The following FBXL7 variants were observed in gnomAD, a reference collection of about 807,000 sequenced individuals.
The protein encoded by FBXL7 is F-box/LRR-repeat protein 7.
In FBXL7, 12 loss-of-function variants were observed where a neutral mutation model predicts 38.3. The ratio of observed to expected loss-of-function variants is 0.31; its 90% CI spans 0.20 to 0.51. FBXL7 has a LOEUF of 0.51. FBXL7 is among the 20% of genes least tolerant of loss of function. The probability of loss-of-function intolerance (pLI) is 0.98; values close to 1 mark genes in which losing one functional copy is unlikely to be tolerated. For synonymous variants in FBXL7, 297 were observed against 300.9 expected (o/e 0.99, Z 0.13); for missense variants, 567 against 676.4 (o/e 0.84, Z 1.79).
chr5:15,831,594 T>C (rs1215663591), intron 2 of FBXL7, among the ~76,000 whole-genome samples: 1 of 152,160 alleles, frequency 6.6e-6, no homozygotes, highest in Admixed American at 6.5e-5. Flanking sequence ...AAAGCTTTAA[T>C]TGGCTAATGT....
At chr5:15,611,621 G>T (rs1740238526) in intron 1 of FBXL7, among the ~76,000 whole-genome samples, 1 of 152,052 alleles carries the variant, frequency 6.6e-6, no homozygotes, top group Non-Finnish European at 1.5e-5. Flanking sequence ...GTTTCCCTTT[G>T]GGTCAGTGAT....
intron 2 of FBXL7, among the ~76,000 whole-genome samples, chr5:15,881,144 A>G (rs1740435370): frequency 6.6e-6 from 1 of 152,164 alleles, no homozygotes; most frequent in Admixed American, 6.5e-5. Context: ...TCACCCAAGC[A>G]GTACCCAATG....
chr5:15,617,498 C>T (rs2126521422), intron 2 of FBXL7, among the ~76,000 whole-genome samples: 1 of 151,176 alleles, frequency 6.6e-6, no homozygotes, highest in South Asian at 2.1e-4. Context: ...ACTCTTTTGC[C>T]CAGACTAGGG....
intron 2 of FBXL7, among the ~76,000 whole-genome samples, chr5:15,836,806 A>G (rs917780838): frequency 1.1e-4 from 16 of 152,160 alleles, no homozygotes; most frequent in African/African-American, 3.9e-4. Flanking sequence ...TGTCAACAAA[A>G]TGCTGTGGCC....
At chr5:15,751,285 G>A (rs1736149161) in intron 2 of FBXL7, among the ~76,000 whole-genome samples, 1 of 152,182 alleles carries the variant, frequency 6.6e-6, no homozygotes, top group Non-Finnish European at 1.5e-5. Context: ...TCAGTGGTCA[G>A]ATGGTAACTG....
chr5:15,639,962 G>C lies in FBXL7; in HGVS notation c.127+23890G>C, dbSNP rs113489011. 2.3e-3 allele frequency among the ~76,000 whole-genome samples: 345 copies of C among 152,114 alleles called. 1 individual carries two copies. The highest frequency in any genetic ancestry group is 8.0e-3 in the African/African-American group (332 of 41,506). On this transcript the variant is annotated intron_variant, in intron 2 of 3. Transcript: ENST00000504595. ...TGTAGACTGTAGAAAGGTCTTTTCC[G>C]TAATTGAGGCAGGGGCAGTTATCCT...
intron 2 of FBXL7, among the ~76,000 whole-genome samples, chr5:15,619,876 G>A (rs890863872): frequency 3.3e-5 from 5 of 152,176 alleles, no homozygotes; most frequent in African/African-American, 1.2e-4. Context: ...GTGCATTTGT[G>A]TCTGACATCT....
intron 2 of FBXL7, among the ~76,000 whole-genome samples, chr5:15,628,356 G>C (rs17647484): frequency 0.058 from 8,847 of 152,174 alleles, 716 homozygotes; most frequent in East Asian, 0.36. Context: ...TGAAGAAGGA[G>C]ATGGACCCAA....
chr5:15,794,016 C>G (rs951090707), intron 2 of FBXL7, among the ~76,000 whole-genome samples: 1 of 152,206 alleles, frequency 6.6e-6, no homozygotes, highest in Non-Finnish European at 1.5e-5. Flanking sequence ...AAAGTTCTCT[C>G]GTGCCTGTGA....
chr5:15,918,111 C>A (rs182489795), intron 2 of FBXL7, among the ~76,000 whole-genome samples: 1 of 151,878 alleles, frequency 6.6e-6, no homozygotes, highest in Non-Finnish European at 1.5e-5. Context: ...TGGTGGTGTG[C>A]GCCTATAATC....
chr5:15,700,987 T>C lies in FBXL7; in HGVS notation c.127+84915T>C, dbSNP rs565316330. Reference sequence around the variant, plus strand: ...ATTTCAGAAAAAGTTTTTTTTTAATTAAAAAAATCTGAATTAGCCAAATCC... The same window carrying C: ...ATTTCAGAAAAAGTTTTTTTTTAATCAAAAAAATCTGAATTAGCCAAATCC... On this transcript the variant is annotated intron_variant, in intron 2 of 3. Transcript: ENST00000504595. Among the ~76,000 whole-genome samples the C allele has an allele frequency of 2.0e-5, 3 of 152,276 alleles. No homozygotes were observed. In the South Asian group the frequency reaches 6.2e-4, roughly 32 times the overall value.
chr5:15,890,425 C>T (rs1740853449), intron 2 of FBXL7, among the ~76,000 whole-genome samples: 1 of 151,928 alleles, frequency 6.6e-6, no homozygotes, highest in African/African-American at 2.4e-5. Context: ...ATTTTTAGTA[C>T]AGACGGGGTT....
chr5:15,917,188 C>T (rs1741605948), intron 2 of FBXL7, among the ~76,000 whole-genome samples: 2 of 152,180 alleles, frequency 1.3e-5, no homozygotes, highest in Admixed American at 1.3e-4. Context: ...ATTCTGCTCT[C>T]ATGATTTTTT....
intron 2 of FBXL7, among the ~76,000 whole-genome samples, chr5:15,789,212 T>TG (rs1737210701): frequency 6.6e-6 from 1 of 152,140 alleles, no homozygotes; most frequent in Non-Finnish European, 1.5e-5. Flanking sequence ...ATATCTTTTT[T>TG]TTTGTTGTTG....
rs571956940 is a variant in FBXL7 at position 15,813,908 on chromosome 5, A to G, written c.128-113982A>G. On this transcript the variant is annotated intron_variant, in intron 2 of 3. Coordinates refer to ENST00000504595, the MANE Select transcript of FBXL7 (RefSeq NM_012304.5). ...TCTCACACCAGTTAGAATGGCAATC[A>G]TTAAAAAGTCAGAAAACAACAGATA... Among the ~76,000 whole-genome samples the G allele has an allele frequency of 5.9e-5, 9 of 152,338 alleles. No individual in the cohort carries two copies. The South Asian group carries it at 1.7e-3, about 28-fold the overall frequency.
chr5:15,665,173 T>C (rs1212470780), intron 2 of FBXL7, among the ~76,000 whole-genome samples: 2 of 152,176 alleles, frequency 1.3e-5, no homozygotes, highest in Non-Finnish European at 1.5e-5. Flanking sequence ...AGCTATCATT[T>C]CTTGAATACC....
intron 2 of FBXL7, among the ~76,000 whole-genome samples, chr5:15,642,130 G>T (rs1741387026): frequency 6.6e-6 from 1 of 152,048 alleles, no homozygotes. Context: ...AAAACACTTG[G>T]TATTTTATGG....
At chr5:15,774,322 TCTTAA>T (rs534406247) in intron 2 of FBXL7, among the ~76,000 whole-genome samples, 7 of 142,120 alleles carry the variant, frequency 4.9e-5, no homozygotes, top group Non-Finnish European at 1.1e-4. Flanking sequence ...CTCTCAATAC[TCTTAA>T]CTTGATCTAC....
intron 2 of FBXL7, among the ~76,000 whole-genome samples, chr5:15,624,874 T>TA (rs1286073005): frequency 6.6e-6 from 1 of 151,976 alleles, no homozygotes; most frequent in Non-Finnish European, 1.5e-5. Flanking sequence ...TGTTTGTTTT[T>TA]TTTTTTTTTT....
Sources: allele counts gnomAD v4.1 joint callset (sites outside exome capture counted in the v4.1 genomes callset), GRCh38; gene constraint gnomAD v4.1.1; transcripts MANE v1.5; gene names NCBI Gene and HGNC (gene_info 2026-07-23, HGNC 2026-07-21).